The following SRBD1 variants were observed in gnomAD, a reference collection of about 807,000 sequenced individuals.
The protein encoded by SRBD1 is S1 RNA-binding domain-containing protein 1.
SRBD1 carries 88 observed loss-of-function variants against 115.3 expected under a neutral mutation model. That is an observed-to-expected ratio of 0.76 (90% CI 0.64 to 0.91). The LOEUF is 0.91. Among genes scored for constraint, SRBD1 ranks in the 40% least tolerant of loss-of-function variants. The pLI, the probability that SRBD1 is intolerant of heterozygous loss-of-function variation, is 0.00. For missense variants in SRBD1, 1,385 were observed against 1,177.4 expected (o/e 1.18, Z -2.58); for synonymous variants, 509 against 407.7 (o/e 1.25, Z -2.99).
intron 14 of SRBD1, among the ~76,000 whole-genome samples, chr2:45,514,661 C>T (rs1266499104): frequency 6.6e-6 from 1 of 152,014 alleles, no homozygotes; most frequent in Non-Finnish European, 1.5e-5. Context: ...TATGGGATGG[C>T]GGCGGGGAGG....
chr2:45,399,010 A>G (rs1378689561), intron 19 of SRBD1, among the ~76,000 whole-genome samples: 2 of 152,158 alleles, frequency 1.3e-5, no homozygotes, highest in African/African-American at 4.8e-5. Context: ...TTTACAAGTG[A>G]CATTAAAATA....
chr2:45,599,369 C>A (rs927840089), intron 4 of SRBD1, 80 bp downstream of exon 4: 1 of 1,506,084 alleles, frequency 6.6e-7, no homozygotes, highest in Non-Finnish European at 8.9e-7. Context: ...CCAGCCCTTC[C>A]CTTAGACAGT....
rs1670188798 is a variant in SRBD1 at position 45,488,479 on chromosome 2, A to C, written c.1875-148T>G. 4 of 584,672 alleles carry C rather than the reference A, an allele frequency of 6.8e-6. No individual in the cohort carries two copies. The East Asian group carries it at 1.2e-4, about 17-fold the overall frequency. 36.2% of individuals were successfully genotyped at this position (584,672 alleles called of 1,614,324 possible). On this transcript the variant is annotated intron_variant, in intron 14 of 20. Coordinates refer to ENST00000263736, the MANE Select transcript of SRBD1 (RefSeq NM_018079.5). ...ATCTCAATGATACTGACAGCATCTA[A>C]TATTTCATTAATATAAAATGATTAT...
At chr2:45,422,122 A>T (rs1668025173) in intron 16 of SRBD1, among the ~76,000 whole-genome samples, 1 of 152,130 alleles carries the variant, frequency 6.6e-6, no homozygotes. Context: ...ACAAAACTAC[A>T]AACAAACCGG....
At chr2:45,493,455 T>G (rs1045514797) in intron 14 of SRBD1, among the ~76,000 whole-genome samples, 1 of 152,166 alleles carries the variant, frequency 6.6e-6, no homozygotes, top group Non-Finnish European at 1.5e-5. Context: ...TTTAAATTCT[T>G]TTATGTAATG....
At chr2:45,416,374 G>A (rs1480868682) in intron 18 of SRBD1, among the ~76,000 whole-genome samples, 1 of 152,150 alleles carries the variant, frequency 6.6e-6, no homozygotes, top group Non-Finnish European at 1.5e-5. Context: ...TATAGTTCAT[G>A]AGATGTAACA....
Position 45,546,751 on chromosome 2 carries a change from G to A in SRBD1, c.1855C>T (p.Pro619Ser). ...ADLIMKNYFAPLDVVYCIVSE... is the reference protein window; with the variant it reads ...ADLIMKNYFASLDVVYCIVSE... ...CCTTACCAGTAAACAACATCCAGTG[G>A]TGCAAAATAATTCTTCATTATCAGG... The change falls in exon 14 of 21, where the codon CCA becomes TCA. Residue 619 changes from proline (P) to serine (S), a missense_variant. By Grantham distance (74) the Pro-to-Ser change is moderately conservative. Coordinates refer to ENST00000263736, the MANE Select transcript of SRBD1 (RefSeq NM_018079.5). The A allele has an allele frequency of 6.2e-7, 1 of 1,614,072 alleles. No individual in the cohort carries two copies. The highest frequency in any genetic ancestry group is 8.5e-7 in the Non-Finnish European group (1 of 1,179,974).
chr2:45,395,010 G>A lies in SRBD1; in HGVS notation c.2514-1881C>T, dbSNP rs3770242. On this transcript the variant is annotated intron_variant, in intron 19 of 20. Coordinates refer to ENST00000263736, the MANE Select transcript of SRBD1 (RefSeq NM_018079.5). Reference sequence around the variant, plus strand: ...ACGAACAGTAGCATACAAGGGTCCCGGTGACAAGGAACAGCTGCTGGAGCT... The same window carrying A: ...ACGAACAGTAGCATACAAGGGTCCCAGTGACAAGGAACAGCTGCTGGAGCT... Among the ~76,000 whole-genome samples, 9 of 152,250 alleles carry A rather than the reference G, an allele frequency of 5.9e-5. No individual in the cohort carries two copies. The East Asian group carries it at 1.7e-3, about 29-fold the overall frequency.
chr2:45,527,007 A>C (rs1228198457), intron 14 of SRBD1, among the ~76,000 whole-genome samples: 2 of 151,946 alleles, frequency 1.3e-5, no homozygotes, highest in Non-Finnish European at 2.9e-5. Flanking sequence ...AGATCATTTA[A>C]TCATTTTAAG....
intron 14 of SRBD1, among the ~76,000 whole-genome samples, chr2:45,489,373 T>C (rs1436923220): frequency 6.6e-6 from 1 of 152,168 alleles, no homozygotes; most frequent in African/African-American, 2.4e-5. Context: ...TGCCCCACTG[T>C]AACAACTGAA....
At chr2:45,524,146 A>T (rs1404247271) in intron 14 of SRBD1, among the ~76,000 whole-genome samples, 3 of 152,048 alleles carry the variant, frequency 2.0e-5, no homozygotes, top group Admixed American at 6.6e-5. Flanking sequence ...ATTAGAAGGG[A>T]AATTCCTTGA....
At chr2:45,504,029 C>G (rs762181095) in intron 14 of SRBD1, among the ~76,000 whole-genome samples, 1 of 152,036 alleles carries the variant, frequency 6.6e-6, no homozygotes, top group Non-Finnish European at 1.5e-5. Context: ...TGAAGAACTA[C>G]CAAGTTTTTA....
intron 16 of SRBD1, among the ~76,000 whole-genome samples, chr2:45,422,921 A>G (rs1668048841): frequency 6.6e-6 from 1 of 152,228 alleles, no homozygotes; most frequent in South Asian, 2.1e-4. Context: ...AAGACAGTGA[A>G]GTAAAACCTA....
At chr2:45,543,293 T>G (rs369172499) in intron 14 of SRBD1, among the ~76,000 whole-genome samples, 20 of 152,350 alleles carry the variant, frequency 1.3e-4, no homozygotes, top group African/African-American at 4.8e-4. Flanking sequence ...GTAAGTATCA[T>G]GATTCGTAAG....
At chr2:45,520,244 G>C (rs1671241249) in intron 14 of SRBD1, among the ~76,000 whole-genome samples, 1 of 152,246 alleles carries the variant, frequency 6.6e-6, no homozygotes, top group South Asian at 2.1e-4. Context: ...ACTGGGTCAA[G>C]TCAAGCCCAT....
intron 10 of SRBD1, among the ~76,000 whole-genome samples, chr2:45,561,707 A>G: frequency 6.6e-6 from 1 of 152,232 alleles, no homozygotes; most frequent in Non-Finnish European, 1.5e-5. Context: ...GTGAGGATCA[A>G]TTACACTCTG....
At chr2:45,562,125 A>G (rs1224159223) in intron 10 of SRBD1, among the ~76,000 whole-genome samples, 1 of 152,124 alleles carries the variant, frequency 6.6e-6, no homozygotes, top group East Asian at 1.9e-4. Context: ...ACCCTCCTGG[A>G]TATTCTCTGT....
chr2:45,551,040 T>C, intron 12 of SRBD1, 85 bp downstream of exon 12: 1 of 1,467,884 alleles, frequency 6.8e-7, no homozygotes, highest in South Asian at 1.4e-5. Flanking sequence ...AAATTAACAT[T>C]ATTTCCAAAT....
At chr2:45,464,790 ACTGAAGT>A (rs2103784136) in intron 16 of SRBD1, among the ~76,000 whole-genome samples, 1 of 152,322 alleles carries the variant, frequency 6.6e-6, no homozygotes, top group African/African-American at 2.4e-5. Context: ...TTTTCAGGTA[ACTGAAGT>A]CTGAACATTA....
Sources: allele counts gnomAD v4.1 joint callset (sites outside exome capture counted in the v4.1 genomes callset), GRCh38; gene constraint gnomAD v4.1.1; transcripts MANE v1.5; gene names NCBI Gene and HGNC (gene_info 2026-07-23, HGNC 2026-07-21).